The following MAMDC4 variants were observed in gnomAD, a reference collection of about 807,000 sequenced individuals.
The protein encoded by MAMDC4 is MAM domain containing 4, also known as apical endosomal glycoprotein.
Under a neutral mutation model 153.3 loss-of-function variants are expected in MAMDC4, and 168 were observed. The ratio of observed to expected loss-of-function variants is 1.10; its 90% CI spans 0.97 to 1.25. The LOEUF is 1.25. MAMDC4 is among the 50% of genes most tolerant of loss of function. MAMDC4 has a pLI of 0.00. For missense variants in MAMDC4, 1,701 were observed against 1,542.8 expected (o/e 1.10, Z -1.72); for synonymous variants, 744 against 651.5 (o/e 1.14, Z -2.16).
intron 4 of MAMDC4, 27 bp downstream of exon 4, chr9:136,853,697 G>C (rs758712658): frequency 1.2e-6 from 2 of 1,606,138 alleles, no homozygotes; most frequent in Admixed American, 1.7e-5. Context: ...CAAGGCTCGT[G>C]GGGGGTGCCC....
At chr9:136,856,175 T>C in intron 14 of MAMDC4, 26 bp downstream of exon 14, 1 of 1,611,468 alleles carries the variant, frequency 6.2e-7, no homozygotes, top group South Asian at 1.1e-5. Flanking sequence ...GCAAGTTCCC[T>C]GGCCAGCCCC....
rs537044806 is a variant in MAMDC4, at chr9:136,854,672, A to T, written c.930A>T (p.Ala310=). 4.5e-5 allele frequency: 72 copies of T among 1,611,048 alleles called. No homozygotes were observed. In the South Asian group the frequency reaches 7.3e-4, roughly 16 times the overall value. ...WPRRDHSRNS[A]QGSFLVSVAE... is the part of the protein sequence containing the mutation. ...GCCGTGACCACAGCCGGAACAGTGC[A>T]CAGGGTGAGGCCCACAGAGGACCCG... Residue 310 remains alanine, a synonymous_variant, in exon 8 of 27, where the codon GCA becomes GCT. Coordinates refer to ENST00000317446, the MANE Select transcript of MAMDC4 (RefSeq NM_206920.3).
chr9:136,860,461 C>T, intron 26 of MAMDC4, 101 bp from the exon 27 acceptor site: 1 of 1,248,440 alleles, frequency 8.0e-7, no homozygotes, highest in Non-Finnish European at 1.1e-6. Flanking sequence ...GCAGGGGTTG[C>T]AGTGAGCGAA....
Position 136,853,287 on chromosome 9 carries a change from T to C in MAMDC4, c.157T>C (p.Tyr53His), listed in dbSNP as rs186097368. The change falls in exon 3 of 27, where the codon TAC (tyrosine) becomes CAC (histidine). Residue 53 changes from tyrosine (Y) to histidine (H), a missense_variant and splice_region_variant. Coordinates refer to ENST00000317446, the MANE Select transcript of MAMDC4 (RefSeq NM_206920.3). ...CACCTGACCACCCACTCTCCCAGGTTACCACGGGGCCTCGCCCACCCTGGG... is the reference window on the plus strand; with the variant it reads ...CACCTGACCACCCACTCTCCCAGGTCACCACGGGGCCTCGCCCACCCTGGG... ...RDCSDEAQCG[Y>H]HGASPTLGAP... is the part of the protein sequence containing the mutation. The C allele has an allele frequency of 1.9e-6, 3 of 1,604,090 alleles. No homozygotes were observed. In the Admixed American group the frequency reaches 5.0e-5, roughly 27 times the overall value.
chr9:136,855,731 G>A lies in MAMDC4; in HGVS notation c.1472-1G>A, dbSNP rs750942752. On this transcript the variant is annotated splice_acceptor_variant, in intron 12 of 26. Transcript: ENST00000317446. LOFTEE classifies it high-confidence loss of function. ...CCATTCAGTGCCGGCTGCTGTTCCA[G>A]GCACCACAGACTTTGAGTCCCCCGA... is the stretch of plus-strand genomic sequence containing the variant. 5 of 1,576,140 alleles carry A rather than the reference G, an allele frequency of 3.2e-6. No homozygotes were observed. The highest frequency in any genetic ancestry group is 4.3e-6 in the Non-Finnish European group (5 of 1,162,066).
rs146167637 is a variant in MAMDC4 at position 136,853,571 on chromosome 9, C to A, written c.355C>A (p.Arg119=). Residue 119 remains arginine, a synonymous_variant, in exon 4 of 27, where the codon CGA becomes AGA. Transcript: ENST00000317446. Reference sequence around the variant, plus strand: ...CTGGTACATGGCCGTTGGAACCCACCGAGGGAAAGAGGCATCCACCGCAGC... The same window carrying A: ...CTGGTACATGGCCGTTGGAACCCACAGAGGGAAAGAGGCATCCACCGCAGC... ...LGWYMAVGTH[R]GKEASTAALR... The A allele has an allele frequency of 1.2e-6, 2 of 1,612,646 alleles. No individual in the cohort carries two copies. Among genetic ancestry groups the A allele is most frequent in the Non-Finnish European group, 1.7e-6 (2 of 1,179,960 alleles).
chr9:136,856,369 C>G lies in MAMDC4; in HGVS notation c.1720+220C>G, dbSNP rs1849004043. Reference sequence around the variant, plus strand: ...ACAAGGTCCTTCTAGGGGCCCGCCGCCGGCCCTTCCGGGTGAGGAGGGCAG... The same window carrying G: ...ACAAGGTCCTTCTAGGGGCCCGCCGGCGGCCCTTCCGGGTGAGGAGGGCAG... On this transcript the variant is annotated intron_variant, in intron 14 of 26. Transcript: ENST00000317446. 3 of 881,252 alleles carry G rather than the reference C, an allele frequency of 3.4e-6. No homozygotes were observed. The East Asian group carries it at 7.3e-5, about 21-fold the overall frequency. 54.6% of individuals were successfully genotyped at this position (881,252 alleles called of 1,614,324 possible). A position where few individuals can be genotyped will look rare whatever the true frequency, so the allele number is the denominator to read the frequency against.
chr9:136,856,678 A>G (rs1247371661), intron 14 of MAMDC4, 32 bp from the exon 15 acceptor site: 1 of 1,596,522 alleles, frequency 6.3e-7, no homozygotes, highest in African/African-American at 1.3e-5. Context: ...GGAGGGGAGA[A>G]GGTGTGTGAC....
rs762346521 is a variant in MAMDC4 at position 136,855,421 on chromosome 9, G to A, written c.1283-10G>A. 2.5e-6 allele frequency: 4 copies of A among 1,607,132 alleles called. 1 individual carries two copies. In the South Asian group the frequency reaches 4.4e-5, roughly 18 times the overall value. On this transcript the variant is annotated splice_polypyrimidine_tract_variant and intron_variant, in intron 11 of 26. Coordinates refer to ENST00000317446, the MANE Select transcript of MAMDC4 (RefSeq NM_206920.3). ...ATCCCTGCCTCCTGACACCAGTTCT[G>A]CCCCCACAGAGGTGTCCACCCTGCA...
At chr9:136,858,379 T>TCACC (rs1464784029) in intron 21 of MAMDC4, 21 bp from the exon 22 acceptor site, 2 of 1,600,500 alleles carry the variant, frequency 1.2e-6, no homozygotes, top group Non-Finnish European at 1.7e-6. Context: ...GCAGCACCAC[T>TCACC]CACCCACCCA....
rs774280672 is a variant in MAMDC4 at position 136,854,556 on chromosome 9, G to A, written c.814G>A (p.Asp272Asn). The A allele has an allele frequency of 1.1e-5, 18 of 1,606,464 alleles. No individual in the cohort carries two copies. The highest frequency in any genetic ancestry group is 2.3e-5 in the East Asian group (1 of 44,408). ...TGCCCTAGGCCGCCACATAGCCACC[G>A]ACTTTGAGACAGGCCTGGGCCCATG... ...PLTCGRHIAT[D>N]FETGLGPWNR... Residue 272 changes from aspartate to asparagine, a missense_variant, in exon 8 of 27, where the codon GAC becomes AAC. Coordinates refer to ENST00000317446, the MANE Select transcript of MAMDC4 (RefSeq NM_206920.3).
At chr9:136,854,896 C>T in intron 9 of MAMDC4, 41 bp from the exon 10 acceptor site, 8 of 1,612,552 alleles carry the variant, frequency 5.0e-6, no homozygotes, top group Non-Finnish European at 6.8e-6. Flanking sequence ...TCCGTGCTGG[C>T]TGCCCCGGTG....
In MAMDC4 at chr9:136,859,302, C is replaced by T. The variant is rs749634000; in HGVS notation, c.3178C>T (p.Pro1060Ser). 3.7e-6 allele frequency: 6 copies of T among 1,611,236 alleles called. No homozygotes were observed. In the Admixed American group the frequency reaches 1.0e-4, roughly 27 times the overall value. ...TCTGGCTGGGCAGCATTGCCAGCAG[C>T]CTGCCCCCAGCCCGGGTGAGCCCTG... ...EYLAGQHCQQ[P>S]APSPGNTAAP... The change falls in exon 25 of 27, where the codon CCT (proline) becomes TCT (serine). Residue 1060 changes from proline to serine, a missense_variant. Transcript: ENST00000317446.
In MAMDC4 at chr9:136,854,080, A is replaced by G. The variant is rs1254963925; in HGVS notation, c.670+4A>G. ...TTCTGGGACTGTGGTCTGCCCAGTA[A>G]GGCACCGCCTCTTCCTGTTCCACCC... On this transcript the variant is annotated splice_donor_region_variant and intron_variant, in intron 6 of 26. Coordinates refer to ENST00000317446, the MANE Select transcript of MAMDC4 (RefSeq NM_206920.3). The G allele has an allele frequency of 1.9e-6, 3 of 1,612,488 alleles. No individual in the cohort carries two copies. The highest frequency in any genetic ancestry group is 2.7e-5 in the African/African-American group (2 of 74,880).
Position 136,857,614 on chromosome 9 carries a change from T to C in MAMDC4, c.2326+28T>C, listed in dbSNP as rs771367565. On this transcript the variant is annotated intron_variant, in intron 18 of 26. Transcript: ENST00000317446. ...ATGGGGGCCTGGCAGGGGCAGGGAT[T>C]GAGGGGCTGGCCAGGGGCTGGCAGG... is the stretch of plus-strand genomic sequence containing the variant. The C allele has an allele frequency of 1.9e-6, 3 of 1,612,228 alleles. No individual in the cohort carries two copies. The South Asian group carries it at 3.3e-5, about 18-fold the overall frequency.
intron 14 of MAMDC4, 174 bp from the exon 15 acceptor site, chr9:136,856,536 A>G: frequency 1.2e-6 from 1 of 802,542 alleles, no homozygotes; most frequent in Non-Finnish European, 2.3e-6. Context: ...CGTGACCCTG[A>G]GGGACTGTAG....
chr9:136,857,107 C>A, intron 16 of MAMDC4, 58 bp from the exon 17 acceptor site: 1 of 1,604,972 alleles, frequency 6.2e-7, no homozygotes, highest in Non-Finnish European at 8.5e-7. Flanking sequence ...GTCCCCCGCT[C>A]TGACACCCAT....
chr9:136,855,158 G>C, intron 10 of MAMDC4, 48 bp downstream of exon 10: 1 of 1,567,544 alleles, frequency 6.4e-7, no homozygotes, highest in Non-Finnish European at 8.6e-7. Context: ...ACTGTGGGCA[G>C]GGGAGGGGAA....
Position 136,854,957 on chromosome 9 carries a change from G to C in MAMDC4, c.1044G>C (p.Leu348=), listed in dbSNP as rs1253474397. 9 of 1,610,104 alleles carry C rather than the reference G, an allele frequency of 5.6e-6. No individual in the cohort carries two copies. Among genetic ancestry groups the C allele is most frequent in the Non-Finnish European group, 7.6e-6 (9 of 1,178,666 alleles). Residue 348 remains leucine, a synonymous_variant, in exon 10 of 27, where the codon CTG becomes CTC. Coordinates refer to ENST00000317446, the MANE Select transcript of MAMDC4 (RefSeq NM_206920.3). ...CACAGCTGGTCTTCTATCAGTACCT[G>C]AGTGGGTCTGAGGCTGGCTGCCTCC... is the stretch of plus-strand genomic sequence containing the variant. ...SNCSLVFYQY[L]SGSEAGCLQL... is the part of the protein sequence containing the mutation.
Sources: allele counts gnomAD v4.1 joint callset, GRCh38; gene constraint gnomAD v4.1.1; transcripts MANE v1.5; gene names NCBI Gene and HGNC (gene_info 2026-07-23, HGNC 2026-07-21).